Variants in TMEM11 observed in about 807,000 individuals in gnomAD.
TMEM11 encodes the protein transmembrane protein 11, mitochondrial.
TMEM11 carries 1 observed loss-of-function variant against 17.0 expected under a neutral mutation model. The observed-to-expected ratio is 0.06, with a 90% CI of 0.02 to 0.28. The LOEUF is 0.28. Ranked by LOEUF, TMEM11 falls within the 10% of genes least tolerant of loss-of-function variation. The pLI is 1.00. For missense variants in TMEM11, 172 were observed against 252.9 expected, an observed-to-expected ratio of 0.68 and a Z score of 2.17; for synonymous variants, 122 against 118.1, an observed-to-expected ratio of 1.03 and a Z score of -0.21.
At chr17:21,207,811 C>G (rs1974958842) in intron 1 of TMEM11, among the ~76,000 whole-genome samples, 1 of 151,422 alleles carries the variant, frequency 6.6e-6, no homozygotes, top group African/African-American at 2.4e-5. Context: ...TCGCTTGAAC[C>G]TAGGAGGTAG....
intron 1 of TMEM11, among the ~76,000 whole-genome samples, chr17:21,199,145 CCT>C (rs67198554): frequency 0.3 from 45,877 of 151,134 alleles, 6,964 homozygotes; most frequent in South Asian, 0.39. Flanking sequence ...ATGGTGAAAC[CCT>C]GTCTCTACTA....
chr17:21,205,141 A>G (rs1974928534), intron 1 of TMEM11, among the ~76,000 whole-genome samples: 1 of 151,840 alleles, frequency 6.6e-6, no homozygotes, highest in African/African-American at 2.4e-5. Context: ...CAGCAGGGCA[A>G]CTCCACGGCC....
chr17:21,198,078 C>T lies in TMEM11; in HGVS notation c.*246G>A. 2.0e-6 allele frequency: 1 copy of T among 504,386 alleles called. No homozygotes were observed. The highest frequency in any genetic ancestry group is 3.5e-6 in the Non-Finnish European group (1 of 288,066). 31.2% of individuals were successfully genotyped at this position (504,386 alleles called of 1,614,324 possible). On this transcript the variant is annotated 3_prime_UTR_variant, in exon 2 of 2. Transcript: ENST00000317635. This position sits in a 1 kb window ranked among gnomAD's most constrained non-coding sequence, Gnocchi z 6.5. ...CCCCCTCGGCAGCGTCTGCCTCCAT[C>T]AGCATTCCACTGCCCAGTCGGACTT...
intron 1 of TMEM11, among the ~76,000 whole-genome samples, chr17:21,204,912 T>C (rs931139570): frequency 2.0e-5 from 3 of 152,102 alleles, no homozygotes; most frequent in Admixed American, 1.3e-4. Flanking sequence ...GGGGGACTGC[T>C]GCAGACACTG....
chr17:21,208,739 G>A (rs1974971240), intron 1 of TMEM11, among the ~76,000 whole-genome samples: 2 of 152,212 alleles, frequency 1.3e-5, no homozygotes, highest in South Asian at 4.1e-4. Context: ...GAGGGCAGAG[G>A]CTGCATTTTC....
At chr17:21,213,959 A>G in intron 1 of TMEM11, 132 bp downstream of exon 1, 1 of 864,632 alleles carries the variant, frequency 1.2e-6, no homozygotes, top group Middle Eastern at 3.6e-4. Flanking sequence ...ACTGGAACCC[A>G]GTATGCCCGG....
Position 21,198,209 on chromosome 17 carries a change from A to G in TMEM11, c.*115T>C. The G allele has an allele frequency of 7.4e-7, 1 of 1,344,650 alleles. No homozygotes were observed. The highest frequency in any genetic ancestry group is 1.0e-6 in the Non-Finnish European group (1 of 981,246). 83.3% of individuals were successfully genotyped at this position (1,344,650 alleles called of 1,614,324 possible). On this transcript the variant is annotated 3_prime_UTR_variant, in exon 2 of 2. Coordinates refer to ENST00000317635, the MANE Select transcript of TMEM11 (RefSeq NM_003876.3). This position sits in a 1 kb window ranked among gnomAD's most constrained non-coding sequence, Gnocchi z 6.5. Reference sequence around the variant, plus strand: ...GATCTGTTATTTTTTAAAAATAACAAATACTAAGCCAAACACCTGCCCAGG... The same window carrying G: ...GATCTGTTATTTTTTAAAAATAACAGATACTAAGCCAAACACCTGCCCAGG...
intron 1 of TMEM11, among the ~76,000 whole-genome samples, chr17:21,212,736 G>C (rs1026574177): frequency 2.0e-5 from 3 of 152,176 alleles, no homozygotes; most frequent in Non-Finnish European, 4.4e-5. Context: ...TCCAACAAGA[G>C]GGCGTATGTT....
At chr17:21,199,799 A>G (rs892364611) in intron 1 of TMEM11, among the ~76,000 whole-genome samples, 36 of 152,112 alleles carry the variant, frequency 2.4e-4, no homozygotes, top group African/African-American at 8.7e-4. Flanking sequence ...GGAGAAGAGG[A>G]GACCCAGGAC....
chr17:21,199,379 C>T (rs1489081463), intron 1 of TMEM11, among the ~76,000 whole-genome samples: 13 of 149,096 alleles, frequency 8.7e-5, no homozygotes, highest in Middle Eastern at 7.2e-3. Context: ...AGTGCCTCGA[C>T]GTTTAACATG....
At chr17:21,205,450 C>T (rs1974932287) in intron 1 of TMEM11, among the ~76,000 whole-genome samples, 1 of 152,182 alleles carries the variant, frequency 6.6e-6, no homozygotes, top group African/African-American at 2.4e-5. Context: ...CACAGGGTCT[C>T]CGCTGCAGGA....
In TMEM11 at chr17:21,203,306, A is replaced by C. The variant is rs539386822; in HGVS notation, c.63-4466T>G. On this transcript the variant is annotated intron_variant, in intron 1 of 1. Transcript: ENST00000317635. The stretch of plus-strand genomic sequence containing the variant: ...AGTCAGCACTCCAACTTCCTGGTAC[A>C]CTGGTGGGAGTGGGGTGCTGTCAGT... 2.0e-4 allele frequency among the ~76,000 whole-genome samples: 31 copies of C among 152,310 alleles called. 1 individual carries two copies. The South Asian group carries it at 6.4e-3, about 32-fold the overall frequency.
intron 1 of TMEM11, among the ~76,000 whole-genome samples, chr17:21,206,080 T>A (rs1254139179): frequency 6.6e-6 from 1 of 151,968 alleles, no homozygotes; most frequent in African/African-American, 2.4e-5. Context: ...GAAGTGGAAC[T>A]GCTGGATCAT....
intron 1 of TMEM11, among the ~76,000 whole-genome samples, chr17:21,205,145 C>A (rs1974928638): frequency 6.6e-6 from 1 of 152,126 alleles, no homozygotes; most frequent in African/African-American, 2.4e-5. Context: ...AGGGCAACTC[C>A]ACGGCCCCTC....
intron 1 of TMEM11, chr17:21,208,542 GCC>G (rs1974969450): frequency 6.6e-6 from 1 of 152,068 alleles, no homozygotes; most frequent in Non-Finnish European, 1.5e-5. Context: ...CTGTAGTCCT[GCC>G]CAAAAAGAGG....
intron 1 of TMEM11, among the ~76,000 whole-genome samples, chr17:21,204,878 G>C (rs1243439219): frequency 6.6e-6 from 1 of 152,090 alleles, no homozygotes; most frequent in East Asian, 1.9e-4. Context: ...CTGGGAGCAG[G>C]GGTCAGCCCG....
rs1974848321 is a variant in TMEM11 at position 21,198,814 on chromosome 17, T to C, written c.89A>G (p.Tyr30Cys). Residue 30 changes from tyrosine (Y) to cysteine (C), a missense_variant, in exon 2 of 2, where the codon TAC becomes TGC. By Grantham distance (194) the Tyr-to-Cys change is radical. Transcript: ENST00000317635. This position sits in a 1 kb window ranked among gnomAD's most constrained non-coding sequence, Gnocchi z 6.5. ...ERVSLSATDCYIVHEIYNGEN... is the reference protein window; with the variant it reads ...ERVSLSATDCCIVHEIYNGEN... ...CCCATTGTAGATCTCATGCACAATG[T>C]AGCAGTCTGTGGCCGACAAGCTCAC... 1 of 1,612,328 alleles carries C rather than the reference T, an allele frequency of 6.2e-7. No homozygotes were observed. The highest frequency in any genetic ancestry group is 8.5e-7 in the Non-Finnish European group (1 of 1,179,112).
At chr17:21,213,704 C>T in intron 1 of TMEM11, 1 of 232,512 alleles carries the variant, frequency 4.3e-6, no homozygotes, top group South Asian at 6.3e-5. Context: ...CGTCTGGGGC[C>T]GCGGCCGAGA....
intron 1 of TMEM11, chr17:21,211,153 T>C: frequency 7.8e-7 from 1 of 1,289,758 alleles, no homozygotes; most frequent in East Asian, 5.5e-5. Flanking sequence ...TCGTTGCCAG[T>C]GTGCTGAATT....
Sources: allele counts gnomAD v4.1 joint callset (sites outside exome capture counted in the v4.1 genomes callset), GRCh38; gene constraint gnomAD v4.1.1; non-coding constraint Gnocchi (gnomAD v3.1); transcripts MANE v1.5; gene names NCBI Gene and HGNC (gene_info 2026-07-23, HGNC 2026-07-21).